ZHX2: variants seen among roughly 807,000 people sequenced by gnomAD.
ZHX2 encodes zinc fingers and homeoboxes protein 2.
ZHX2 carries 6 observed loss-of-function variants against 21.9 expected under a neutral mutation model. The observed-to-expected ratio is 0.27, with a 90% CI of 0.15 to 0.54. The LOEUF is 0.54. Among genes scored for constraint, ZHX2 ranks in the 20% least tolerant of loss-of-function variants. ZHX2 has a pLI of 0.95. For missense variants in ZHX2, 908 were observed against 1,090.7 expected (o/e 0.83, Z 2.36); for synonymous variants, 434 against 437.1 (o/e 0.99, Z 0.09).
At chr8:122,886,740 C>T (rs1230681324) in intron 2 of ZHX2, among the ~76,000 whole-genome samples, 1 of 152,078 alleles carries the variant, frequency 6.6e-6, no homozygotes, top group African/African-American at 2.4e-5. Context: ...CTGAGTACTT[C>T]CAAAGAGACA....
rs367818691 is a variant in ZHX2 at position 122,789,588 on chromosome 8, G to T, written c.-283+7642G>T. Among the ~76,000 whole-genome samples, 5 of 152,242 alleles carry T rather than the reference G, an allele frequency of 3.3e-5. No individual in the cohort carries two copies. In the East Asian group the frequency reaches 9.6e-4, roughly 29 times the overall value. On this transcript the variant is annotated intron_variant, in intron 1 of 3. Transcript: ENST00000314393. ...GGAGGGAGTAGGGAGAGGCCAGGAG[G>T]CCAGGAGGCCAGCACTGGCGGTGAT...
At chr8:122,831,651 A>G (rs1818380464) in intron 1 of ZHX2, among the ~76,000 whole-genome samples, 2 of 152,152 alleles carry the variant, frequency 1.3e-5, no homozygotes, top group African/African-American at 4.8e-5. Context: ...TTTCCAGCCA[A>G]TATAGGATTG....
chr8:122,928,496 T>G (rs1820908547), intron 2 of ZHX2, among the ~76,000 whole-genome samples: 1 of 151,966 alleles, frequency 6.6e-6, no homozygotes, highest in Non-Finnish European at 1.5e-5. Context: ...GGGATAGAAT[T>G]CAATGAAAAT....
intron 3 of ZHX2, among the ~76,000 whole-genome samples, chr8:122,955,156 A>G (rs1366038077): frequency 1.4e-5 from 2 of 141,552 alleles, no homozygotes; most frequent in African/African-American, 5.3e-5. Flanking sequence ...AGCCCTTGGT[A>G]TTCTGCTTCC....
intron 1 of ZHX2, among the ~76,000 whole-genome samples, chr8:122,792,452 T>C (rs758462944): frequency 6.6e-5 from 10 of 152,244 alleles, no homozygotes; most frequent in Non-Finnish European, 1.0e-4. Context: ...AGTCTTTGTT[T>C]AGAGATGTGT....
At chr8:122,844,781 G>A (rs922392276) in intron 1 of ZHX2, among the ~76,000 whole-genome samples, 3 of 152,088 alleles carry the variant, frequency 2.0e-5, no homozygotes, top group East Asian at 3.8e-4. Context: ...GGTTTAAATA[G>A]CAGAAAGGCA....
chr8:122,921,134 C>T lies in ZHX2; in HGVS notation c.-219-30158C>T, dbSNP rs769549452. 5.0e-4 allele frequency among the ~76,000 whole-genome samples: 76 copies of T among 151,960 alleles called. 1 individual carries two copies. Among genetic ancestry groups the T allele is most frequent in the Non-Finnish European group, 8.7e-4 (59 of 68,000 alleles). On this transcript the variant is annotated intron_variant, in intron 2 of 3. Transcript: ENST00000314393. ...TCACTCTGTCGCCCAGGCTGGAGTG[C>T]GTTGGCGTGATCTCTGCTCACTCTG...
chr8:122,910,453 A>C (rs574533783), intron 2 of ZHX2, among the ~76,000 whole-genome samples: 2 of 152,310 alleles, frequency 1.3e-5, no homozygotes, highest in East Asian at 3.9e-4. Flanking sequence ...ACTGCCAGTC[A>C]TGATGTATCC....
chr8:122,838,118 T>C (rs986173015), intron 1 of ZHX2, among the ~76,000 whole-genome samples: 2 of 152,220 alleles, frequency 1.3e-5, no homozygotes, highest in African/African-American at 4.8e-5. Flanking sequence ...TGCACATCTC[T>C]GTAGCTCTCC....
At chr8:122,805,665 G>A (rs1345966533) in intron 1 of ZHX2, among the ~76,000 whole-genome samples, 2 of 152,212 alleles carry the variant, frequency 1.3e-5, no homozygotes, top group Non-Finnish European at 2.9e-5. Flanking sequence ...TCCTAATAGA[G>A]CTGGCTGTCG....
Position 122,953,296 on chromosome 8 carries a change from G to A in ZHX2, c.1786G>A (p.Gly596Arg). Residue 596 changes from glycine to arginine, a missense_variant, in exon 3 of 4, where the codon GGG (glycine) becomes AGG (arginine). By Grantham distance (125) the Gly-to-Arg change is moderately radical. Transcript: ENST00000314393. This position sits in a 1 kb window ranked among gnomAD's most constrained non-coding sequence, Gnocchi z 4.6. The part of the protein sequence containing the change: ...SMEQAVLDSM[G>R]SGKKGQDVGA... ...GGAACAAGCTGTCTTGGATTCCATG[G>A]GGTCTGGCAAAAAAGGCCAAGATGT... 1.2e-6 allele frequency: 2 copies of A among 1,614,114 alleles called. No homozygotes were observed. The highest frequency in any genetic ancestry group is 2.2e-5 in the South Asian group (2 of 91,082).
intron 2 of ZHX2, among the ~76,000 whole-genome samples, chr8:122,871,739 A>AC (rs1255043367): frequency 1.3e-5 from 2 of 149,668 alleles, no homozygotes; most frequent in Non-Finnish European, 3.0e-5. Context: ...AAAAAAAAAA[A>AC]AAAAAAAACT....
At chr8:122,797,424 A>G (rs1295163310) in intron 1 of ZHX2, among the ~76,000 whole-genome samples, 5 of 152,224 alleles carry the variant, frequency 3.3e-5, no homozygotes, top group African/African-American at 9.6e-5. Context: ...GGGGAAGCAC[A>G]TGACCGTCGG....
chr8:122,809,952 G>C (rs1019631768), intron 1 of ZHX2, among the ~76,000 whole-genome samples: 1 of 152,156 alleles, frequency 6.6e-6, no homozygotes, highest in African/African-American at 2.4e-5. Context: ...GGGTAGGGGG[G>C]GTGGAGGGCT....
intron 1 of ZHX2, among the ~76,000 whole-genome samples, chr8:122,785,790 G>C (rs1817383090): frequency 6.6e-6 from 1 of 152,188 alleles, no homozygotes; most frequent in Non-Finnish European, 1.5e-5. Context: ...GAGGTGGAGA[G>C]GGGGATGCAG....
At chr8:122,944,011 A>G (rs1304491957) in intron 2 of ZHX2, among the ~76,000 whole-genome samples, 1 of 152,012 alleles carries the variant, frequency 6.6e-6, no homozygotes, top group Non-Finnish European at 1.5e-5. Flanking sequence ...CATTCCTCAA[A>G]TGTTTTCTTG....
At chr8:122,962,434 G>A (rs1813479757) in intron 3 of ZHX2, among the ~76,000 whole-genome samples, 1 of 152,178 alleles carries the variant, frequency 6.6e-6, no homozygotes, top group South Asian at 2.1e-4. Context: ...CTCCATCCAG[G>A]TTGCTGTGAA....
intron 2 of ZHX2, among the ~76,000 whole-genome samples, chr8:122,950,619 CAT>C (rs1327653543): frequency 1.3e-5 from 2 of 152,108 alleles, no homozygotes; most frequent in Non-Finnish European, 2.9e-5. Flanking sequence ...CTGAACGTAT[CAT>C]GTGTGGTCTA....
intron 2 of ZHX2, among the ~76,000 whole-genome samples, chr8:122,873,019 A>T (rs1819477849): frequency 6.6e-6 from 1 of 152,196 alleles, no homozygotes; most frequent in Admixed American, 6.5e-5. Context: ...CAACTGCTGG[A>T]GCCAAAGGGT....
Sources: allele counts gnomAD v4.1 joint callset (sites outside exome capture counted in the v4.1 genomes callset), GRCh38; gene constraint gnomAD v4.1.1; non-coding constraint Gnocchi (gnomAD v3.1); transcripts MANE v1.5; gene names NCBI Gene and HGNC (gene_info 2026-07-23, HGNC 2026-07-21).